Variants in RASSF3 observed in about 807,000 individuals in gnomAD.
RASSF3 encodes Ras association domain family member 3, also known as ras association domain-containing protein 3.
RASSF3 carries 19 observed loss-of-function variants against 19.9 expected under a neutral mutation model. That is an observed-to-expected ratio of 0.96 (90% confidence interval 0.67 to 1.40). The LOEUF is 1.40. Ranked by LOEUF, RASSF3 falls within the 40% of genes most tolerant of loss-of-function variation. The pLI is 0.00. For missense variants in RASSF3, 306 were observed against 289.8 expected (o/e 1.06, Z -0.41); for synonymous variants, 110 against 104.2 (o/e 1.06, Z -0.34).
intron 1 of RASSF3, among the ~76,000 whole-genome samples, chr12:64,644,934 C>T (rs1871678351): frequency 1.3e-5 from 2 of 151,778 alleles, no homozygotes; most frequent in African/African-American, 2.4e-5. Context: ...ATTAGCTTAG[C>T]ATGGTGCCGT....
At chr12:64,679,161 C>G (rs539368786) in intron 1 of RASSF3, among the ~76,000 whole-genome samples, 2 of 152,338 alleles carry the variant, frequency 1.3e-5, no homozygotes, top group Non-Finnish European at 2.9e-5. Context: ...CTCCCAGGTT[C>G]AAGTGATTCT....
At chr12:64,678,198 T>C (rs1006585531) in intron 1 of RASSF3, among the ~76,000 whole-genome samples, 3 of 152,228 alleles carry the variant, frequency 2.0e-5, no homozygotes, top group Admixed American at 1.3e-4. Context: ...ATGTTTTACA[T>C]GTGAAAGGTG....
In RASSF3 at chr12:64,688,347, C is replaced by T. The variant is rs769649937; in HGVS notation, c.351C>T (p.Ser117=). Residue 117 remains serine, a synonymous_variant, in exon 3 of 5, where the codon AGC becomes AGT. Coordinates refer to ENST00000542104, the MANE Select transcript of RASSF3 (RefSeq NM_178169.4). ...NGCMNTLHIS[S]TNTVGEVIEA... is the part of the protein sequence containing the mutation. ...GTATGAATACACTTCATATCAGCAG[C>T]ACAAACACTGTCGGGGAAGTGATCG... 3 of 1,614,056 alleles carry T rather than the reference C, an allele frequency of 1.9e-6. No homozygotes were observed. The highest frequency in any genetic ancestry group is 2.7e-5 in the African/African-American group (2 of 74,922).
chr12:64,563,973 G>T (rs1869388620), intron 2 of RASSF3, among the ~76,000 whole-genome samples: 1 of 152,144 alleles, frequency 6.6e-6, no homozygotes, highest in African/African-American at 2.4e-5. Context: ...GCTCATAGCT[G>T]CATCCCTAGC....
At chr12:64,535,095 G>GAACA (rs1868795429) in intron 1 of RASSF3, among the ~76,000 whole-genome samples, 1 of 151,478 alleles carries the variant, frequency 6.6e-6, no homozygotes, top group Non-Finnish European at 1.5e-5. Context: ...AAAAAAAAAG[G>GAACA]AAAGTACCTT....
intron 1 of RASSF3, among the ~76,000 whole-genome samples, chr12:64,538,500 C>T (rs1868875604): frequency 6.6e-6 from 1 of 152,150 alleles, no homozygotes; most frequent in Non-Finnish European, 1.5e-5. Context: ...TCAAATTTGA[C>T]TTTCCATCTT....
intron 2 of RASSF3, among the ~76,000 whole-genome samples, chr12:64,559,120 G>A (rs893934095): frequency 6.6e-6 from 1 of 152,134 alleles, no homozygotes; most frequent in Non-Finnish European, 1.5e-5. Flanking sequence ...TTCTGCCATC[G>A]GCGCTGACCT....
At position 64,510,867 on chromosome 12, in the gene RASSF3, A is replaced by T. The variant is rs1220416388; in HGVS notation, c.169+3538A>T. On this transcript the variant is annotated intron_variant, in intron 1 of 5. Coordinates refer to the RASSF3 transcript ENST00000637125. The stretch of plus-strand genomic sequence containing the variant: ...CTCAAGAGCATTGTAGGCTGCTGGG[A>T]AGATCAAGGGACTTCAGAGTCAAAC... Among the ~76,000 whole-genome samples the T allele has an allele frequency of 3.3e-5, 5 of 152,156 alleles. 1 individual carries two copies. The highest frequency in any genetic ancestry group is 7.3e-5 in the Non-Finnish European group (5 of 68,028).
At chr12:64,573,255 G>T (rs1312457517) in intron 2 of RASSF3, among the ~76,000 whole-genome samples, 1 of 148,412 alleles carries the variant, frequency 6.7e-6, no homozygotes, top group Non-Finnish European at 1.5e-5. Context: ...AGGCTGCAGT[G>T]AGCTGTTATC....
upstream of RASSF3, among the ~76,000 whole-genome samples, chr12:64,606,377 T>A (rs370854193): frequency 1.6e-4 from 24 of 152,268 alleles, no homozygotes; most frequent in African/African-American, 5.8e-4. Flanking sequence ...TGCAATAAGG[T>A]CTAATATTTG....
chr12:64,596,987 G>A (rs565421735), intron 2 of RASSF3, among the ~76,000 whole-genome samples: 3 of 151,954 alleles, frequency 2.0e-5, no homozygotes, highest in South Asian at 4.2e-4. Context: ...GGCTGATCTC[G>A]AACTCTCAAC....
At position 64,610,747 on chromosome 12, in the gene RASSF3, A is replaced by G. The variant is rs1194106656; in HGVS notation, c.111+4A>G. Reference sequence around the variant, plus strand: ...CAAGCCCCGCTCCGGCCAACAAGTGAGTGGCGCGCGGCGGGCGCTGCAGCC... The same window carrying G: ...CAAGCCCCGCTCCGGCCAACAAGTGGGTGGCGCGCGGCGGGCGCTGCAGCC... On this transcript the variant is annotated splice_donor_region_variant and intron_variant, in intron 1 of 4. Coordinates refer to ENST00000542104, the MANE Select transcript of RASSF3 (RefSeq NM_178169.4). 1 of 1,572,762 alleles carries G rather than the reference A, an allele frequency of 6.4e-7. No homozygotes were observed. The highest frequency in any genetic ancestry group is 8.6e-7 in the Non-Finnish European group (1 of 1,158,248).
At chr12:64,564,275 G>T (rs1431121371) in intron 2 of RASSF3, among the ~76,000 whole-genome samples, 1 of 152,108 alleles carries the variant, frequency 6.6e-6, no homozygotes, top group Non-Finnish European at 1.5e-5. Flanking sequence ...GAAGCCAAGG[G>T]GCCCTTGCCC....
chr12:64,642,588 AGAT>A (rs1338290497), intron 1 of RASSF3, among the ~76,000 whole-genome samples: 7 of 102,856 alleles, frequency 6.8e-5, no homozygotes, highest in African/African-American at 2.4e-4. Context: ...AAAAAAAAAA[AGAT>A]TCATCAAAAC....
intron 2 of RASSF3, among the ~76,000 whole-genome samples, chr12:64,554,658 C>A (rs1173628309): frequency 6.6e-6 from 1 of 152,160 alleles, no homozygotes; most frequent in East Asian, 1.9e-4. Flanking sequence ...AGAGTACAGA[C>A]AATTCTTTCA....
chr12:64,692,734 T>C (rs899526267), intron 4 of RASSF3, among the ~76,000 whole-genome samples: 1 of 152,156 alleles, frequency 6.6e-6, no homozygotes, highest in African/African-American at 2.4e-5. Context: ...TTAACTTGGT[T>C]ATTTTATTGT....
Position 64,663,146 on chromosome 12 carries a change from G to A in RASSF3, c.112-21641G>A, listed in dbSNP as rs1872428111. Among the ~76,000 whole-genome samples the A allele has an allele frequency of 2.6e-5, 4 of 152,278 alleles. No individual in the cohort carries two copies. The South Asian group carries it at 8.3e-4, about 32-fold the overall frequency. The stretch of plus-strand genomic sequence containing the variant: ...GCCAAATTTGGAGCATGCACATAAT[G>A]TTGATCTCTCTCTACCCCTCACCCT... On this transcript the variant is annotated intron_variant, in intron 1 of 4. Transcript: ENST00000542104.
intron 2 of RASSF3, among the ~76,000 whole-genome samples, chr12:64,599,771 G>A (rs776716710): frequency 3.3e-5 from 5 of 152,166 alleles, no homozygotes; most frequent in South Asian, 4.1e-4. Context: ...GGTGGCTCAC[G>A]CCTGTAATCC....
At chr12:64,567,134 G>A (rs1320770351) in intron 2 of RASSF3, among the ~76,000 whole-genome samples, 1 of 152,216 alleles carries the variant, frequency 6.6e-6, no homozygotes, top group Non-Finnish European at 1.5e-5. Flanking sequence ...TGTTGCAGGA[G>A]CCAGGCTGGG....
Sources: allele counts gnomAD v4.1 joint callset (sites outside exome capture counted in the v4.1 genomes callset), GRCh38; gene constraint gnomAD v4.1.1; transcripts MANE v1.5; gene names NCBI Gene and HGNC (gene_info 2026-07-23, HGNC 2026-07-21).